The following RELB variants were observed in gnomAD, a reference collection of about 807,000 sequenced individuals.
The protein encoded by RELB is transcription factor RelB.
Under a neutral mutation model 55.4 loss-of-function variants are expected in RELB, and 14 were observed. The ratio of observed to expected loss-of-function variants is 0.25; its 90% CI spans 0.17 to 0.40. RELB has a LOEUF of 0.40. Ranked by LOEUF, RELB falls within the 10% of genes least tolerant of loss-of-function variation. The pLI is 1.00. For synonymous variants in RELB, 409 were observed against 371.3 expected (o/e 1.10, Z -1.17); for missense variants, 669 against 830.7 (o/e 0.81, Z 2.39).
chr19:45,021,971 G>A, intron 4 of RELB, 82 bp from the exon 5 acceptor site: 1 of 1,370,282 alleles, frequency 7.3e-7, no homozygotes, highest in African/African-American at 1.4e-5. Flanking sequence ...GGATTGGGGA[G>A]CTGCCAAGGA....
Position 45,033,968 on chromosome 19 carries a change from A to G in RELB, c.1208-276A>G, listed in dbSNP as rs370308593. Reference sequence around the variant, plus strand: ...TCAGGAGTTCAAGACCAGACTGGCCAACATATAGTGAAATCCCATCTCTAC... The same window carrying G: ...TCAGGAGTTCAAGACCAGACTGGCCGACATATAGTGAAATCCCATCTCTAC... On this transcript the variant is annotated intron_variant, in intron 9 of 11. Coordinates refer to ENST00000221452, the MANE Select transcript of RELB (RefSeq NM_006509.4). Among the ~76,000 whole-genome samples the G allele has an allele frequency of 2.0e-4, 31 of 151,998 alleles. No individual in the cohort carries two copies. The South Asian group carries it at 5.8e-3, about 29-fold the overall frequency.
intron 2 of RELB, among the ~76,000 whole-genome samples, chr19:45,006,703 G>A (rs1000215506): frequency 2.0e-4 from 30 of 150,284 alleles, no homozygotes; most frequent in Middle Eastern, 3.4e-3. Context: ...GCTCATGCCT[G>A]TAATCCCAGC....
rs551732907 is a variant in RELB at position 45,025,428 on chromosome 19, C to A, written c.754+8C>A. 6 of 1,607,614 alleles carry A rather than the reference C, an allele frequency of 3.7e-6. No homozygotes were observed. In the African/African-American group the frequency reaches 4.0e-5, roughly 11 times the overall value. On this transcript the variant is annotated splice_region_variant and intron_variant, in intron 6 of 11. Transcript: ENST00000221452. ...GCATTGACCCCTACAACGGTGAGCACCCCCTGCCTGACCTGACCATCCCGT... is the reference window on the plus strand; with the variant it reads ...GCATTGACCCCTACAACGGTGAGCAACCCCTGCCTGACCTGACCATCCCGT...
chr19:45,032,374 G>C, intron 8 of RELB, 160 bp from the exon 9 acceptor site: 1 of 594,610 alleles, frequency 1.7e-6, no homozygotes, highest in Non-Finnish European at 3.0e-6. Flanking sequence ...AGCTGAGATC[G>C]CGCCATTGCA....
At chr19:45,012,479 C>T (rs1217202065) in intron 4 of RELB, among the ~76,000 whole-genome samples, 1 of 152,184 alleles carries the variant, frequency 6.6e-6, no homozygotes, top group Non-Finnish European at 1.5e-5. Flanking sequence ...CACGGTGACT[C>T]GCGCCTGTAA....
intron 10 of RELB, 35 bp from the exon 11 acceptor site, chr19:45,034,416 G>A (rs1433804226): frequency 5.6e-6 from 9 of 1,610,120 alleles, no homozygotes; most frequent in South Asian, 3.3e-5. Context: ...AAGGGCTGTC[G>A]GGGAACAGGG....
intron 4 of RELB, among the ~76,000 whole-genome samples, chr19:45,015,745 AAG>A (rs202096014): frequency 0.13 from 17,926 of 134,312 alleles, 1,428 homozygotes; most frequent in East Asian, 0.29. Context: ...AAAAAAAAAA[AAG>A]AAAAAAGAAA....
chr19:45,034,842 CTTTT>C (rs778076849), intron 11 of RELB, among the ~76,000 whole-genome samples: 1 of 140,030 alleles, frequency 7.1e-6, no homozygotes. Context: ...TTTCTTCTTT[CTTTT>C]TTTTTTTTTT....
At chr19:45,025,246 G>A in intron 5 of RELB, 83 bp from the exon 6 acceptor site, 1 of 908,342 alleles carries the variant, frequency 1.1e-6, no homozygotes, top group Non-Finnish European at 1.8e-6. Context: ...CCCCACAGCA[G>A]CATCTGCCAG....
intron 4 of RELB, among the ~76,000 whole-genome samples, chr19:45,021,545 A>G (rs1263801567): frequency 6.8e-6 from 1 of 146,594 alleles, no homozygotes; most frequent in East Asian, 2.0e-4. Context: ...ATCAGTTGGA[A>G]GCTTCTGGTT....
At chr19:45,013,492 G>A (rs1031788440) in intron 4 of RELB, among the ~76,000 whole-genome samples, 3 of 152,012 alleles carry the variant, frequency 2.0e-5, no homozygotes, top group Non-Finnish European at 4.4e-5. Flanking sequence ...TTTGTGTTTC[G>A]TGAGTTGAAC....
At chr19:45,023,479 C>T (rs985689517) in intron 5 of RELB, among the ~76,000 whole-genome samples, 6 of 151,306 alleles carry the variant, frequency 4.0e-5, no homozygotes, top group Admixed American at 6.6e-5. Context: ...GCTCTGTCGC[C>T]CAGGCTGGAA....
chr19:45,003,930 T>G (rs2065819268), intron 2 of RELB, among the ~76,000 whole-genome samples: 2 of 130,228 alleles, frequency 1.5e-5, no homozygotes, highest in South Asian at 5.4e-4. Context: ...TTTTTTTTTT[T>G]TTTTTTTTTT....
At chr19:45,002,207 G>T (rs1288735161) in intron 1 of RELB, among the ~76,000 whole-genome samples, 1 of 151,316 alleles carries the variant, frequency 6.6e-6, no homozygotes, top group Admixed American at 6.6e-5. Context: ...GAGGGGAAGG[G>T]CCTGTTACCC....
intron 8 of RELB, 70 bp downstream of exon 8, chr19:45,029,062 C>T (rs956245819): frequency 3.4e-5 from 36 of 1,060,884 alleles, no homozygotes; most frequent in South Asian, 5.4e-5. Flanking sequence ...CCAGGGAGCC[C>T]GGGAAGATGA....
intron 8 of RELB, among the ~76,000 whole-genome samples, chr19:45,029,729 A>C (rs1368778841): frequency 6.6e-6 from 1 of 152,080 alleles, no homozygotes; most frequent in Non-Finnish European, 1.5e-5. Flanking sequence ...ATACACCTGT[A>C]ATCCCAGCTA....
intron 7 of RELB, among the ~76,000 whole-genome samples, chr19:45,028,270 G>T (rs539255377): frequency 1.5e-4 from 23 of 151,908 alleles, no homozygotes; most frequent in African/African-American, 5.5e-4. Context: ...GATCTTCCTG[G>T]CTGGGCCCCC....
At position 45,032,616 on chromosome 19, in the gene RELB, C is replaced by T. The variant is rs779259433; in HGVS notation, c.1074C>T (p.Ala358=). 2 of 1,613,426 alleles carry T rather than the reference C, an allele frequency of 1.2e-6. No individual in the cohort carries two copies. Among genetic ancestry groups the T allele is most frequent in the African/African-American group, 2.7e-5 (2 of 74,888 alleles). ...FSQADVHRQI[A]IVFKTPPYED... is the part of the protein sequence containing the mutation. Reference sequence around the variant, plus strand: ...AGGCCGACGTGCACCGCCAGATTGCCATTGTGTTCAAGACGCCGCCCTACG... The same window carrying T: ...AGGCCGACGTGCACCGCCAGATTGCTATTGTGTTCAAGACGCCGCCCTACG... The change falls in exon 9 of 12, where the codon GCC becomes GCT. Residue 358 remains alanine (A), a synonymous_variant. Transcript: ENST00000221452.
chr19:45,002,212 T>C (rs1348524808), intron 1 of RELB, among the ~76,000 whole-genome samples: 2 of 151,058 alleles, frequency 1.3e-5, no homozygotes, highest in Admixed American at 1.3e-4. Context: ...GAAGGGCCTG[T>C]TACCCAAAAA....
Sources: gnomAD v4.1 joint callset for allele counts (sites outside exome capture counted in the v4.1 genomes callset) on GRCh38, gnomAD v4.1.1 for gene constraint, MANE v1.5 for transcripts, NCBI Gene and HGNC (gene_info 2026-07-23, HGNC 2026-07-21) for gene names.